SELENOS: variants seen among roughly 807,000 people sequenced by gnomAD.
SELENOS encodes selenoprotein S.
SELENOS carries 37 observed loss-of-function variants against 30.2 expected under a neutral mutation model. The ratio of observed to expected loss-of-function variants is 1.23; its 90% CI spans 0.94 to 1.61. SELENOS has a LOEUF of 1.61. Among genes scored for constraint, SELENOS ranks in the 40% most tolerant of loss-of-function variants. The pLI is 0.00. For missense variants in SELENOS, 289 were observed against 231.8 expected, an observed-to-expected ratio of 1.25 and a Z score of -1.60; for synonymous variants, 119 against 91.6, an observed-to-expected ratio of 1.30 and a Z score of -1.71.
At chr15:101,274,546 G>C (rs762977463) in intron 4 of SELENOS, 46 bp downstream of exon 4, 11 of 1,609,066 alleles carry the variant, frequency 6.8e-6, no homozygotes, top group Non-Finnish European at 4.2e-6. Context: ...ATTCTACTTG[G>C]CAATCTTCAT....
intron 5 of SELENOS, 130 bp downstream of exon 5, chr15:101,274,290 T>C (rs1028525640): frequency 2.8e-6 from 3 of 1,081,092 alleles, no homozygotes; most frequent in Non-Finnish European, 4.1e-6. Context: ...GTTTCCTTTA[T>C]TGAATCTTCA....
Position 101,275,270 on chromosome 15 carries a change from C to T in SELENOS, c.303G>A (p.Lys101=). ...CAGTTCATACTTGTTTCAGTTTTTCCTTATGCTTTTCAACTTGCGCATTTA... is the reference window on the plus strand; with the variant it reads ...CAGTTCATACTTGTTTCAGTTTTTCTTTATGCTTTTCAACTTGCGCATTTA... ...EELNAQVEKH[K]EKLKQLEEEK... The change falls in exon 3 of 6, where the codon AAG becomes AAA. Residue 101 remains lysine, a synonymous_variant. Transcript: ENST00000526049. The T allele has an allele frequency of 6.4e-7, 1 of 1,560,052 alleles. No individual in the cohort carries two copies. Among genetic ancestry groups the T allele is most frequent in the Non-Finnish European group, 8.7e-7 (1 of 1,152,322 alleles).
chr15:101,271,353 A>G (rs2039266658), downstream of SELENOS: 1 of 152,244 alleles, frequency 6.6e-6, no homozygotes, highest in African/African-American at 2.4e-5. Context: ...TACACACTGG[A>G]AGGGGAGTGA....
intron 3 of SELENOS, 107 bp from the exon 4 acceptor site, chr15:101,274,788 T>A: frequency 8.6e-7 from 1 of 1,168,764 alleles, no homozygotes; most frequent in Non-Finnish European, 1.2e-6. Context: ...AGAACAAACT[T>A]CACCCTCGTT....
rs765481162 is a variant in SELENOS, at chr15:101,274,452, C to T, written c.452G>A (p.Arg151Gln). ...CCGCAAAGGCTTTCTGTCCGATTTC[C>T]GTTTCAGGACAGATGAAGTGGAAGG... ...PGPSTSSVLK[R>Q]KSDRKPLRGG... Residue 151 changes from arginine (R) to glutamine (Q), a missense_variant, in exon 5 of 6, where the codon CGG (arginine) becomes CAG (glutamine). Arg to Gln is a conservative substitution (Grantham distance 43, BLOSUM62 1). Coordinates refer to ENST00000526049, the MANE Select transcript of SELENOS (RefSeq NM_018445.6). The T allele has an allele frequency of 9.3e-6, 15 of 1,609,404 alleles. No homozygotes were observed. The South Asian group carries it at 1.0e-4, about 11-fold the overall frequency.
In SELENOS at chr15:101,272,261, T is replaced by G. The variant is rs2039275707; in HGVS notation, c.*510A>C. The G allele has an allele frequency of 6.6e-6, 1 of 152,276 alleles. No individual in the cohort carries two copies. Among genetic ancestry groups the G allele is most frequent in the South Asian group, 2.1e-4 (1 of 4,834 alleles). 9.4% of individuals were successfully genotyped at this position (152,276 alleles called of 1,614,324 possible). Reference sequence around the variant, plus strand: ...GTCCATAAATCTCCTTGAATAAAGATGCTAAAAATGTTATTCTTGTTTTTT... The same window carrying G: ...GTCCATAAATCTCCTTGAATAAAGAGGCTAAAAATGTTATTCTTGTTTTTT... On this transcript the variant is annotated 3_prime_UTR_variant, in exon 6 of 6. Coordinates refer to ENST00000526049, the MANE Select transcript of SELENOS (RefSeq NM_018445.6).
chr15:101,277,112 A>G (rs1039262933), intron 1 of SELENOS: 5 of 795,768 alleles, frequency 6.3e-6, no homozygotes, highest in African/African-American at 5.2e-5. Flanking sequence ...TGGTTCGCAA[A>G]AAAGACTTGC....
chr15:101,276,336 C>G (rs552685692), intron 2 of SELENOS: 2 of 459,136 alleles, frequency 4.4e-6, no homozygotes, highest in African/African-American at 4.1e-5. Context: ...GCAGCTTTGA[C>G]TCCCTGGACT....
In SELENOS at chr15:101,272,799, C is replaced by G; in HGVS notation, c.542G>C (p.Arg181Thr). Residue 181 changes from arginine to threonine, a missense_variant, in exon 6 of 6, where the codon AGA (arginine) becomes ACA (threonine). Transcript: ENST00000526049. ...GCCTCATCCGCCAGATGACGGGCCT[C>G]TGCGTCCAGGTCTCCAGGAGCAAGC... ...GGACSWRPGR[R>T]GPSSGGUG The G allele has an allele frequency of 6.2e-7, 1 of 1,610,486 alleles. No individual in the cohort carries two copies. The highest frequency in any genetic ancestry group is 8.5e-7 in the Non-Finnish European group (1 of 1,178,430).
chr15:101,277,252 G>C (rs780517108), intron 1 of SELENOS, 90 bp downstream of exon 1: 5 of 1,521,154 alleles, frequency 3.3e-6, no homozygotes, highest in East Asian at 2.5e-5. Flanking sequence ...CCCAGGCTCC[G>C]GCGCCCGGTG....
At position 101,277,453 on chromosome 15, in the gene SELENOS, G is replaced by T. The variant is rs899354627; in HGVS notation, c.-36C>A. 4.8e-5 allele frequency: 68 copies of T among 1,418,242 alleles called. No homozygotes were observed. The Middle Eastern group carries it at 6.7e-4, about 14-fold the overall frequency. The allele number at this position is 1,418,242 out of a possible 1,614,324, so 87.9% of individuals were successfully genotyped here. On this transcript the variant is annotated 5_prime_UTR_variant, in exon 1 of 6. Transcript: ENST00000526049. Reference sequence around the variant, plus strand: ...GCCGCCGCCGCCCAGCCCTGCCGCCGCGCCTCCAGCCGGGCGCTTCCGGTG... The same window carrying T: ...GCCGCCGCCGCCCAGCCCTGCCGCCTCGCCTCCAGCCGGGCGCTTCCGGTG...
chr15:101,271,733 A>G (rs1449174510), downstream of SELENOS: 1 of 147,680 alleles, frequency 6.8e-6, no homozygotes. Context: ...TCTGAAGGTT[A>G]ATGTTTTTCC....
At chr15:101,275,978 G>C (rs2039322086) in intron 2 of SELENOS, among the ~76,000 whole-genome samples, 1 of 150,404 alleles carries the variant, frequency 6.6e-6, no homozygotes, top group East Asian at 1.9e-4. Flanking sequence ...CTGGAGTGCA[G>C]TGGCACAATC....
In SELENOS at chr15:101,277,364, C is replaced by G. The variant is rs768452439; in HGVS notation, c.54G>C (p.Gly18=). 5.9e-6 allele frequency: 9 copies of G among 1,513,556 alleles called. No homozygotes were observed. Among genetic ancestry groups the G allele is most frequent in the African/African-American group, 1.4e-5 (1 of 69,476 alleles). The allele number at this position is 1,513,556 out of a possible 1,614,324, so 93.8% of individuals were successfully genotyped here. ...LSARPALETE[G]LRFLHTTVGS... is the part of the protein sequence containing the mutation. Reference sequence around the variant, plus strand: ...CACCCGTGGTGTGCAGGAAGCGCAGCCCCTCGGTCTCCAGGGCCGGCCGCG... The same window carrying G: ...CACCCGTGGTGTGCAGGAAGCGCAGGCCCTCGGTCTCCAGGGCCGGCCGCG... Residue 18 remains glycine (G), a synonymous_variant, in exon 1 of 6, where the codon GGG becomes GGC. Coordinates refer to ENST00000526049, the MANE Select transcript of SELENOS (RefSeq NM_018445.6).
At chr15:101,273,822 T>C (rs920985639) in intron 5 of SELENOS, among the ~76,000 whole-genome samples, 2 of 152,188 alleles carry the variant, frequency 1.3e-5, no homozygotes, top group South Asian at 2.1e-4. Flanking sequence ...TCTCCTCCTA[T>C]GGAGGATACA....
chr15:101,277,402 C>T lies in SELENOS; in HGVS notation c.16G>A (p.Glu6Lys). The change falls in exon 1 of 6, where the codon GAG (glutamate) becomes AAG (lysine). Residue 6 changes from glutamate to lysine, a missense_variant. By Grantham distance (56) the Glu-to-Lys change is moderately conservative. Coordinates refer to ENST00000526049, the MANE Select transcript of SELENOS (RefSeq NM_018445.6). MERQE[E>K]SLSARPALET... is the part of the protein sequence containing the mutation. The stretch of plus-strand genomic sequence containing the variant: ...AGGGCCGGCCGCGCGGACAGAGACT[C>T]CTCTTGGCGTTCCATGACCGCCGCC... 1.3e-6 allele frequency: 2 copies of T among 1,491,066 alleles called. No homozygotes were observed. Among genetic ancestry groups the T allele is most frequent in the Non-Finnish European group, 1.8e-6 (2 of 1,128,128 alleles). 92.4% of individuals were successfully genotyped at this position (1,491,066 alleles called of 1,614,324 possible).
chr15:101,272,844 A>T lies in SELENOS; in HGVS notation c.497T>A (p.Leu166Ter). The T allele has an allele frequency of 6.2e-7, 1 of 1,607,358 alleles. No homozygotes were observed. Among genetic ancestry groups the T allele is most frequent in the Non-Finnish European group, 8.5e-7 (1 of 1,176,964 alleles). ...KPLRGGGYNP[L>*]SGEGGGACSW... ...GCAAGCTCCGCCTCCTTCACCAGAC[A>T]ACGGGTTATAACCTGGGAGGACAGA... Residue 166 changes from leucine (L) to a stop codon, truncating the protein, a stop_gained, in exon 6 of 6, where the codon TTG (leucine) becomes TAG (stop). Transcript: ENST00000526049. LOFTEE classifies it high-confidence loss of function.
intron 2 of SELENOS, among the ~76,000 whole-genome samples, chr15:101,275,916 T>C (rs1235828501): frequency 3.1e-5 from 4 of 130,918 alleles, no homozygotes; most frequent in African/African-American, 9.4e-5. Context: ...CTCCATCTCA[T>C]AGAAAAAAAA....
intron 1 of SELENOS, chr15:101,277,022 GTGTATGGGGC>G: frequency 1.8e-6 from 1 of 559,958 alleles, no homozygotes; most frequent in South Asian, 2.0e-5. Flanking sequence ...AGTCAGGAGT[GTGTATGGGGC>G]TGTGTGGGAC....
Sources: gnomAD v4.1 joint callset for allele counts (sites outside exome capture counted in the v4.1 genomes callset) on GRCh38, gnomAD v4.1.1 for gene constraint, MANE v1.5 for transcripts, NCBI Gene and HGNC (gene_info 2026-07-23, HGNC 2026-07-21) for gene names.